THSD7B: variants seen among roughly 807,000 people sequenced by gnomAD.
THSD7B encodes the protein thrombospondin type 1 domain containing 7B.
In THSD7B, 138 loss-of-function variants were observed where a neutral mutation model predicts 213.6. The observed-to-expected ratio is 0.65, with a 90% CI of 0.56 to 0.74. The LOEUF (loss-of-function observed/expected upper bound fraction) is 0.74, where lower values mean the gene tolerates loss of function less well. THSD7B is among the 30% of genes least tolerant of loss of function. The pLI, the probability that THSD7B is intolerant of heterozygous loss-of-function variation, is 0.00. For synonymous variants in THSD7B, 742 were observed against 687.0 expected, an observed-to-expected ratio of 1.08 and a Z score of -1.25; for missense variants, 1,931 against 1,991.5, an observed-to-expected ratio of 0.97 and a Z score of 0.58.
intron 3 of THSD7B, among the ~76,000 whole-genome samples, chr2:137,090,252 A>T (rs1184585836): frequency 6.6e-6 from 1 of 152,094 alleles, no homozygotes; most frequent in African/African-American, 2.4e-5. Context: ...GCTATGTCTG[A>T]GGAGACAGAA....
At chr2:137,323,881 A>G (rs1352157812) in intron 12 of THSD7B, among the ~76,000 whole-genome samples, 4 of 152,238 alleles carry the variant, frequency 2.6e-5, no homozygotes, top group African/African-American at 7.2e-5. Flanking sequence ...TGGCTCTAGC[A>G]AAGCAGAATG....
At chr2:137,134,339 T>G (rs756112254) in intron 5 of THSD7B, among the ~76,000 whole-genome samples, 3 of 152,220 alleles carry the variant, frequency 2.0e-5, no homozygotes, top group Non-Finnish European at 2.9e-5. Flanking sequence ...ATGGTATCCT[T>G]AAGCCTTTAG....
intron 9 of THSD7B, among the ~76,000 whole-genome samples, chr2:137,237,944 C>A (rs534914633): frequency 4.2e-4 from 64 of 152,272 alleles, no homozygotes; most frequent in African/African-American, 1.5e-3. Flanking sequence ...CAGTTCATTT[C>A]TTCTATAATA....
chr2:137,639,431 T>G (rs1196231084), intron 20 of THSD7B, among the ~76,000 whole-genome samples: 1 of 152,162 alleles, frequency 6.6e-6, no homozygotes, highest in African/African-American at 2.4e-5. Context: ...AGGGCCCTCA[T>G]GGAAAACCCC....
At chr2:137,607,914 A>G (rs537419141) in intron 17 of THSD7B, among the ~76,000 whole-genome samples, 221 of 152,230 alleles carry the variant, frequency 1.5e-3, no homozygotes, top group Non-Finnish European at 2.6e-3. Context: ...CACCCAAATA[A>G]CTTAGCTAAG....
chr2:136,816,133 C>T (rs1344813736), intron 1 of THSD7B, among the ~76,000 whole-genome samples: 2 of 152,180 alleles, frequency 1.3e-5, no homozygotes, highest in African/African-American at 2.4e-5. Context: ...AATCTGCACA[C>T]CTTGGCCTCC....
At chr2:137,581,845 C>G (rs1210292727) in intron 17 of THSD7B, among the ~76,000 whole-genome samples, 1 of 151,098 alleles carries the variant, frequency 6.6e-6, no homozygotes, top group African/African-American at 2.4e-5. Context: ...TACCTGTAAT[C>G]CCAGCATTTT....
chr2:137,412,032 A>G, intron 14 of THSD7B, 160 bp downstream of exon 14: 1 of 784,242 alleles, frequency 1.3e-6, no homozygotes, highest in African/African-American at 1.7e-5. Context: ...GATGAAATGC[A>G]TACATCTGTA....
At chr2:137,155,622 A>G (rs745603873) in intron 5 of THSD7B, among the ~76,000 whole-genome samples, 18 of 152,178 alleles carry the variant, frequency 1.2e-4, no homozygotes, top group Non-Finnish European at 2.5e-4. Flanking sequence ...ATGTATTTCA[A>G]TATGAACAGC....
chr2:137,639,969 T>C (rs1166717302), intron 20 of THSD7B, among the ~76,000 whole-genome samples: 1 of 152,134 alleles, frequency 6.6e-6, no homozygotes, highest in Non-Finnish European at 1.5e-5. Context: ...CTGTGGACTT[T>C]TGGGTTAATG....
chr2:137,453,635 T>G (rs1687701061), intron 15 of THSD7B, among the ~76,000 whole-genome samples: 2 of 152,142 alleles, frequency 1.3e-5, no homozygotes, highest in Non-Finnish European at 2.9e-5. Flanking sequence ...GGCTTGAAAT[T>G]TACTTTCTTA....
At chr2:137,605,705 C>T (rs352179) in intron 17 of THSD7B, among the ~76,000 whole-genome samples, 65,297 of 131,024 alleles carry the variant, frequency 0.5, 16,517 homozygotes, top group African/African-American at 0.65. Context: ...AGTCCTGCTC[C>T]GTCGCCAGGC....
chr2:137,142,096 A>G (rs778192181), intron 5 of THSD7B, among the ~76,000 whole-genome samples: 4 of 152,204 alleles, frequency 2.6e-5, no homozygotes, highest in Non-Finnish European at 5.9e-5. Context: ...AATAAACTTA[A>G]AAGAAGTGCC....
chr2:136,976,632 C>CT (rs796159626), intron 2 of THSD7B, among the ~76,000 whole-genome samples: 2,114 of 145,520 alleles, frequency 0.015, 61 homozygotes, highest in African/African-American at 0.047. Context: ...TGAAGTTTTC[C>CT]TTTTTTTTTT....
At chr2:137,402,401 A>G (rs189074619) in intron 12 of THSD7B, among the ~76,000 whole-genome samples, 5 of 152,330 alleles carry the variant, frequency 3.3e-5, no homozygotes, top group African/African-American at 1.2e-4. Context: ...TCTAATTTAG[A>G]TAGTTTCTAG....
At chr2:137,303,563 G>A (rs1683659058) in intron 12 of THSD7B, among the ~76,000 whole-genome samples, 1 of 149,620 alleles carries the variant, frequency 6.7e-6, no homozygotes, top group Non-Finnish European at 1.5e-5. Context: ...AAGAAGTTGG[G>A]GTAGTCATTT....
chr2:136,860,839 A>G (rs1683247573), intron 1 of THSD7B, among the ~76,000 whole-genome samples: 1 of 152,256 alleles, frequency 6.6e-6, no homozygotes, highest in Non-Finnish European at 1.5e-5. Context: ...AAGTCATTAC[A>G]GTGGACTGTA....
At chr2:137,575,579 T>C (rs1429132901) in intron 17 of THSD7B, among the ~76,000 whole-genome samples, 1 of 151,982 alleles carries the variant, frequency 6.6e-6, no homozygotes, top group Admixed American at 6.6e-5. Flanking sequence ...AAAATTGTAC[T>C]GGGACCATTT....
chr2:137,479,011 C>T (rs1246513986), intron 15 of THSD7B, among the ~76,000 whole-genome samples: 2 of 152,154 alleles, frequency 1.3e-5, no homozygotes, highest in East Asian at 3.9e-4. Context: ...TTGGAAAGTC[C>T]AGACAGGCTT....
Sources: allele counts gnomAD v4.1 joint callset (sites outside exome capture counted in the v4.1 genomes callset), GRCh38; gene constraint gnomAD v4.1.1; transcripts MANE v1.5; gene names NCBI Gene and HGNC (gene_info 2026-07-23, HGNC 2026-07-21).